Variants in AFMID observed in about 807,000 individuals in gnomAD.
The protein encoded by AFMID is arylformamidase.
AFMID carries 39 observed loss-of-function variants against 47.5 expected under a neutral mutation model. The ratio of observed to expected loss-of-function variants is 0.82; its 90% CI spans 0.64 to 1.07. AFMID has a LOEUF of 1.07. AFMID is among the 50% of genes least tolerant of loss of function. The pLI is 0.00. For synonymous variants in AFMID, 130 were observed against 153.2 expected (o/e 0.85, Z 1.12); for missense variants, 375 against 387.5 (o/e 0.97, Z 0.27).
intron 2 of AFMID, among the ~76,000 whole-genome samples, chr17:78,195,178 G>T (rs760789433): frequency 6.7e-6 from 1 of 149,296 alleles, no homozygotes; most frequent in Non-Finnish European, 1.5e-5. Flanking sequence ...GTGTTTAAAG[G>T]GGACAGTTTC....
chr17:78,206,355 A>G (rs1388142953), intron 10 of AFMID, among the ~76,000 whole-genome samples: 2 of 134,810 alleles, frequency 1.5e-5, no homozygotes, highest in Non-Finnish European at 3.2e-5. Context: ...AAAAAAAAAA[A>G]AAAAAGACCT....
At chr17:78,191,210 CAG>C in intron 2 of AFMID, 150 bp downstream of exon 2, 1 of 685,628 alleles carries the variant, frequency 1.5e-6, no homozygotes, top group Non-Finnish European at 2.5e-6. Flanking sequence ...CCTCCCTGCT[CAG>C]GGGCAGGTGC....
chr17:78,203,003 G>A (rs2076286160), intron 4 of AFMID: 2 of 508,580 alleles, frequency 3.9e-6, no homozygotes, highest in South Asian at 2.4e-5. Context: ...TCCAGCCTCT[G>A]CCTCCATTCA....
chr17:78,191,989 TTTTC>T (rs372962643), intron 2 of AFMID, among the ~76,000 whole-genome samples: 4 of 146,758 alleles, frequency 2.7e-5, no homozygotes, highest in South Asian at 4.3e-4. Context: ...CCTGGCCGCC[TTTTC>T]TTTCTTTCTT....
At chr17:78,201,433 A>G (rs2076240290) in intron 2 of AFMID, among the ~76,000 whole-genome samples, 2 of 152,188 alleles carry the variant, frequency 1.3e-5, no homozygotes, top group African/African-American at 4.8e-5. Flanking sequence ...AGCCTCGCCA[A>G]TACAGTGAAA....
At chr17:78,188,742 G>A (rs529787817) in intron 1 of AFMID, among the ~76,000 whole-genome samples, 16 of 152,194 alleles carry the variant, frequency 1.1e-4, no homozygotes, top group African/African-American at 2.9e-4. Context: ...GACTACATGC[G>A]CCCGCAACCA....
At chr17:78,193,370 CAAAAAAAAAAAAAAAA>C (rs199993168) in intron 2 of AFMID, among the ~76,000 whole-genome samples, 1,073 of 69,002 alleles carry the variant, frequency 0.016, 23 homozygotes, top group African/African-American at 0.047. Flanking sequence ...GACTCTGTCT[CAAAAAAAAAAAAAAAA>C]AAAAAAAAAA....
chr17:78,197,753 G>C (rs781743885), intron 2 of AFMID, among the ~76,000 whole-genome samples: 147 of 152,102 alleles, frequency 9.7e-4, no homozygotes, highest in Middle Eastern at 3.4e-3. Flanking sequence ...TCTCAGTGCA[G>C]ATGGGGAGGA....
chr17:78,192,190 T>C (rs912919165), intron 2 of AFMID, among the ~76,000 whole-genome samples: 5 of 148,354 alleles, frequency 3.4e-5, no homozygotes, highest in Non-Finnish European at 7.4e-5. Context: ...TTTTTTTTTT[T>C]AGTAGAGATA....
At chr17:78,187,596 T>G (rs537855219) in intron 1 of AFMID, among the ~76,000 whole-genome samples, 163 bp downstream of exon 1, 1 of 152,124 alleles carries the variant, frequency 6.6e-6, no homozygotes, top group African/African-American at 2.4e-5. Context: ...CCATGGTGTA[T>G]TTTACCTTCT....
At chr17:78,202,861 C>A in intron 4 of AFMID, 110 bp downstream of exon 4, 1 of 1,312,176 alleles carries the variant, frequency 7.6e-7, no homozygotes, top group Non-Finnish European at 1.1e-6. Flanking sequence ...GCACTCCTTG[C>A]AGGGCTGTGT....
chr17:78,203,064 T>C (rs1011509303), intron 4 of AFMID: 409 of 306,952 alleles, frequency 1.3e-3, no homozygotes, highest in Admixed American at 2.7e-3. Context: ...TCTTTTTTTT[T>C]TTTTTTTTTT....
chr17:78,192,198 A>G, intron 2 of AFMID, among the ~76,000 whole-genome samples: 1 of 139,798 alleles, frequency 7.2e-6, no homozygotes, highest in Non-Finnish European at 1.5e-5. Context: ...TTTAGTAGAG[A>G]TATGGTTTCT....
chr17:78,198,712 G>A (rs113416306), intron 2 of AFMID, among the ~76,000 whole-genome samples: 7,691 of 151,962 alleles, frequency 0.051, 219 homozygotes, highest in Middle Eastern at 0.055. Context: ...AGAAGGAGGA[G>A]ACAGGAGAAT....
intron 1 of AFMID, among the ~76,000 whole-genome samples, chr17:78,190,433 C>T (rs1189151068): frequency 3.9e-5 from 6 of 151,998 alleles, no homozygotes; most frequent in African/African-American, 7.3e-5. Flanking sequence ...CTTGCTCTGT[C>T]GCTAGGCTGG....
At chr17:78,197,855 ATGCCTGTAATCCCAGACTT>A in intron 2 of AFMID, among the ~76,000 whole-genome samples, 1 of 152,224 alleles carries the variant, frequency 6.6e-6, no homozygotes, top group Admixed American at 6.5e-5. Flanking sequence ...CCGGTGGCGC[ATGCCTGTAATCCCAGACTT>A]TGGGAAACCA....
chr17:78,187,848 A>G (rs1302736527), intron 1 of AFMID, among the ~76,000 whole-genome samples: 1 of 149,612 alleles, frequency 6.7e-6, no homozygotes, highest in Non-Finnish European at 1.5e-5. Flanking sequence ...GCTACTGGGG[A>G]GGCTGAGACA....
At chr17:78,201,489 C>T (rs554588995) in intron 2 of AFMID, among the ~76,000 whole-genome samples, 7 of 151,888 alleles carry the variant, frequency 4.6e-5, no homozygotes, top group East Asian at 1.9e-4. Context: ...TGTGGTGGCA[C>T]GGGCCCATAA....
chr17:78,206,072 C>T, intron 10 of AFMID, 22 bp downstream of exon 10: 3 of 1,605,600 alleles, frequency 1.9e-6, no homozygotes, highest in Non-Finnish European at 2.6e-6. Context: ...TCCCTGGCAG[C>T]CCTTTCATGG....
Sources: gnomAD v4.1 joint callset for allele counts (sites outside exome capture counted in the v4.1 genomes callset) on GRCh38, gnomAD v4.1.1 for gene constraint, MANE v1.5 for transcripts, NCBI Gene and HGNC (gene_info 2026-07-23, HGNC 2026-07-21) for gene names.